Variants in EBF2 observed in about 807,000 individuals in gnomAD.
EBF2 encodes the protein transcription factor COE2.
Under a neutral mutation model 72.8 loss-of-function variants are expected in EBF2, and 21 were observed. The observed-to-expected ratio is 0.29, with a 90% CI of 0.20 to 0.42. The LOEUF (loss-of-function observed/expected upper bound fraction) is 0.42. Ranked by LOEUF, EBF2 falls within the 10% of genes least tolerant of loss-of-function variation. The pLI is 1.00. For synonymous variants in EBF2, 299 were observed against 274.2 expected, an observed-to-expected ratio of 1.09 and a Z score of -0.89; for missense variants, 637 against 731.2, an observed-to-expected ratio of 0.87 and a Z score of 1.49.
chr8:25,921,126 C>T (rs1413688633), intron 6 of EBF2, among the ~76,000 whole-genome samples: 4 of 152,072 alleles, frequency 2.6e-5, no homozygotes, highest in Non-Finnish European at 5.9e-5. Flanking sequence ...GCAGTTGGTA[C>T]CTATGGAATT....
chr8:26,042,867 C>A (rs1033826933), intron 1 of EBF2, among the ~76,000 whole-genome samples: 3 of 152,160 alleles, frequency 2.0e-5, no homozygotes, highest in Non-Finnish European at 4.4e-5. Context: ...GGGCTGCTTG[C>A]CTCGCTCTTC....
rs974042859 is a variant in EBF2, at chr8:26,003,628, C to A, written c.551+29457G>T. ...TGAAATCTGATGCCCTAAGAGGCAA[C>A]CTCCACCTGGAAGGTGTTCAGGTAA... On this transcript the variant is annotated intron_variant, in intron 6 of 15. Coordinates refer to ENST00000520164, the MANE Select transcript of EBF2 (RefSeq NM_022659.4). 5.3e-5 allele frequency among the ~76,000 whole-genome samples: 8 copies of A among 152,082 alleles called. No individual in the cohort carries two copies. In the East Asian group the frequency reaches 1.4e-3, roughly 26 times the overall value.
At chr8:26,036,586 G>A (rs1248107745) in intron 5 of EBF2, among the ~76,000 whole-genome samples, 2 of 151,766 alleles carry the variant, frequency 1.3e-5, no homozygotes, top group African/African-American at 4.8e-5. Flanking sequence ...ATATGTTCTA[G>A]TCGTTCTTTG....
intron 6 of EBF2, among the ~76,000 whole-genome samples, chr8:25,932,669 G>A (rs374000954): frequency 1.3e-5 from 2 of 151,998 alleles, no homozygotes; most frequent in Admixed American, 6.5e-5. Flanking sequence ...TGAGTCCCCC[G>A]TAATTACAGG....
chr8:25,881,946 C>T (rs1000315727), intron 10 of EBF2, among the ~76,000 whole-genome samples: 3 of 152,190 alleles, frequency 2.0e-5, no homozygotes, highest in Non-Finnish European at 4.4e-5. Flanking sequence ...TTCTGGCTCC[C>T]TTATCTGCTG....
Position 26,004,673 on chromosome 8 carries a change from CAAAAAAAA to C in EBF2, c.551+28404_551+28411del, listed in dbSNP as rs56848916. Reference sequence around the variant, plus strand: ...CTGGGTGACATAGCAAGACTGTCTCCAAAAAAAAAAAAAAAAAAAAAAAAAAGTAGGTT... The same window carrying C: ...CTGGGTGACATAGCAAGACTGTCTCCAAAAAAAAAAAAAAAAAAGTAGGTT... On this transcript the variant is annotated intron_variant, in intron 6 of 15. Transcript: ENST00000520164. 2.2e-3 allele frequency among the ~76,000 whole-genome samples: 102 copies of C among 45,444 alleles called. No individual in the cohort carries two copies. In the East Asian group the frequency reaches 0.052, roughly 23 times the overall value. 29.8% of individuals were successfully genotyped at this position (45,444 alleles called of 152,430 possible).
chr8:25,861,725 T>C (rs1347719562), intron 11 of EBF2, among the ~76,000 whole-genome samples: 1 of 152,246 alleles, frequency 6.6e-6, no homozygotes, highest in African/African-American at 2.4e-5. Context: ...GGTTCTCTAA[T>C]TAACCAAATA....
intron 5 of EBF2, 115 bp from the exon 6 acceptor site, chr8:26,033,268 C>T (rs1805438915): frequency 3.0e-6 from 3 of 997,082 alleles, no homozygotes; most frequent in Non-Finnish European, 3.1e-6. Flanking sequence ...TGTCACCAGG[C>T]TGTAGTACAA....
intron 6 of EBF2, among the ~76,000 whole-genome samples, chr8:26,025,243 A>ACCAT (rs1441577037): frequency 6.6e-6 from 1 of 152,162 alleles, no homozygotes; most frequent in African/African-American, 2.4e-5. Context: ...GGACCTAGGT[A>ACCAT]CCATCCATTG....
intron 7 of EBF2, among the ~76,000 whole-genome samples, chr8:25,890,977 A>G (rs1023205252): frequency 2.5e-4 from 38 of 152,226 alleles, no homozygotes; most frequent in Non-Finnish European, 8.8e-5. Context: ...GCTGGGCTTG[A>G]CCAGACCATA....
intron 6 of EBF2, among the ~76,000 whole-genome samples, chr8:25,979,795 A>C (rs2117197834): frequency 6.6e-6 from 1 of 152,092 alleles, no homozygotes; most frequent in South Asian, 2.1e-4. Flanking sequence ...CAAAATAAAA[A>C]CCCAGCTGAA....
rs1804645391 is a variant in EBF2, at chr8:25,997,097, A to C, written c.551+35988T>G. Among the ~76,000 whole-genome samples the C allele has an allele frequency of 3.3e-5, 5 of 152,188 alleles. No individual in the cohort carries two copies. The South Asian group carries it at 1.0e-3, about 32-fold the overall frequency. ...GAGATGGGTCACCATGCAATCCTGGAGACAGCACAGCTGGAGCAGAACTTG... is the reference window on the plus strand; with the variant it reads ...GAGATGGGTCACCATGCAATCCTGGCGACAGCACAGCTGGAGCAGAACTTG... On this transcript the variant is annotated intron_variant, in intron 6 of 15. Transcript: ENST00000520164.
At chr8:25,868,826 A>G (rs973701003) in intron 10 of EBF2, among the ~76,000 whole-genome samples, 7 of 152,122 alleles carry the variant, frequency 4.6e-5, no homozygotes, top group African/African-American at 1.4e-4. Context: ...CTCTGAAAAT[A>G]TTTTATTTTT....
intron 6 of EBF2, among the ~76,000 whole-genome samples, chr8:25,979,776 A>G (rs556486328): frequency 1.5e-3 from 233 of 152,240 alleles, no homozygotes; most frequent in African/African-American, 5.3e-3. Flanking sequence ...ACGATGGGCC[A>G]TATGTCACCA....
At chr8:25,876,041 A>G (rs1280723853) in intron 10 of EBF2, among the ~76,000 whole-genome samples, 1 of 152,242 alleles carries the variant, frequency 6.6e-6, no homozygotes, top group African/African-American at 2.4e-5. Context: ...CTGGATAATA[A>G]AAATGTGGTA....
intron 6 of EBF2, among the ~76,000 whole-genome samples, chr8:25,910,886 A>G (rs568082679): frequency 1.8e-4 from 28 of 152,326 alleles, no homozygotes; most frequent in African/African-American, 5.3e-4. Flanking sequence ...TATCTTCTAA[A>G]AGAAGGTATT....
intron 10 of EBF2, among the ~76,000 whole-genome samples, chr8:25,884,281 C>A (rs1453744183): frequency 2.6e-5 from 4 of 152,126 alleles, no homozygotes; most frequent in African/African-American, 7.2e-5. Context: ...GATTCATGGA[C>A]TGCCAGGCAC....
chr8:25,910,860 C>A (rs1480440332), intron 6 of EBF2, among the ~76,000 whole-genome samples: 4 of 152,132 alleles, frequency 2.6e-5, no homozygotes, highest in African/African-American at 9.7e-5. Flanking sequence ...ACAGAAAGTT[C>A]TCTTGCATTA....
intron 10 of EBF2, among the ~76,000 whole-genome samples, chr8:25,867,427 G>A (rs1312677614): frequency 6.6e-6 from 1 of 152,154 alleles, no homozygotes; most frequent in Non-Finnish European, 1.5e-5. Context: ...GTTAACATTT[G>A]AGACCGCTCA....
Sources: gnomAD v4.1 joint callset for allele counts (sites outside exome capture counted in the v4.1 genomes callset) on GRCh38, gnomAD v4.1.1 for gene constraint, MANE v1.5 for transcripts, NCBI Gene and HGNC (gene_info 2026-07-23, HGNC 2026-07-21) for gene names.